Variants in NOX4 observed in about 807,000 individuals in gnomAD.
NOX4 encodes NADPH oxidase 4, also known as kidney oxidase-1.
In NOX4, 69 loss-of-function variants were observed where a neutral mutation model predicts 87.6. The observed-to-expected ratio is 0.79, with a 90% CI of 0.65 to 0.96. The LOEUF (loss-of-function observed/expected upper bound fraction) is 0.96. NOX4 is among the 40% of genes least tolerant of loss of function. The pLI, the probability that NOX4 is intolerant of heterozygous loss-of-function variation, is 0.00. For missense variants in NOX4, 680 were observed against 681.5 expected, an observed-to-expected ratio of 1.00 and a Z score of 0.02; for synonymous variants, 275 against 238.2, an observed-to-expected ratio of 1.15 and a Z score of -1.42.
At chr11:89,492,405 TA>T (rs770708638), upstream of NOX4, among the ~76,000 whole-genome samples, 7 of 152,158 alleles carry the variant, frequency 4.6e-5, no homozygotes, top group African/African-American at 1.7e-4. Context: ...ACTCTTAAAA[TA>T]AAAAATCTTA....
chr11:89,375,401 G>A (rs1260425224), intron 11 of NOX4, among the ~76,000 whole-genome samples: 1 of 152,102 alleles, frequency 6.6e-6, no homozygotes, highest in Non-Finnish European at 1.5e-5. Context: ...TGCCTCCCAG[G>A]TTCAAGCGAT....
At chr11:89,377,508 G>A (rs931129044) in intron 11 of NOX4, among the ~76,000 whole-genome samples, 7 of 152,032 alleles carry the variant, frequency 4.6e-5, no homozygotes, top group African/African-American at 1.7e-4. Context: ...TCTTCAATAT[G>A]GCATTGGGTT....
intron 3 of NOX4, among the ~76,000 whole-genome samples, chr11:89,449,746 A>G (rs1944871124): frequency 6.6e-6 from 1 of 152,092 alleles, no homozygotes; most frequent in Admixed American, 6.6e-5. Flanking sequence ...GATGTTCAAG[A>G]CACATTGTTA....
At chr11:89,555,483 CA>C in the NOX4 span, among the ~76,000 whole-genome samples, 9 of 146,278 alleles carry the variant, frequency 6.2e-5, no homozygotes, top group East Asian at 2.0e-4. Context: ...GAATTTGTTT[CA>C]AAAAAAAAAG....
the NOX4 span, among the ~76,000 whole-genome samples, chr11:89,535,729 C>T: frequency 6.6e-6 from 1 of 151,800 alleles, no homozygotes; most frequent in Non-Finnish European, 1.5e-5. Flanking sequence ...AAGAGTGTAG[C>T]ATATATACAG....
At chr11:89,479,295 A>G (rs769406569) in intron 2 of NOX4, among the ~76,000 whole-genome samples, 23 of 152,180 alleles carry the variant, frequency 1.5e-4, no homozygotes, top group Non-Finnish European at 2.9e-4. Context: ...GGATAAAAGA[A>G]ACTTGTTTGG....
chr11:89,477,953 A>G (rs1343317784), intron 2 of NOX4, among the ~76,000 whole-genome samples: 4 of 152,186 alleles, frequency 2.6e-5, no homozygotes, highest in Non-Finnish European at 5.9e-5. Flanking sequence ...TCTAAACTAG[A>G]AGGTATTTTC....
chr11:89,488,944 G>A (rs779714935), intron 2 of NOX4: 5 of 699,496 alleles, frequency 7.1e-6, no homozygotes, highest in South Asian at 6.0e-5. Context: ...GCGAGGTGAG[G>A]TCTTACTCTC....
intron 7 of NOX4, among the ~76,000 whole-genome samples, chr11:89,429,541 G>C (rs563635594): frequency 1.3e-5 from 2 of 151,966 alleles, no homozygotes; most frequent in South Asian, 2.1e-4. Flanking sequence ...AACACCGATC[G>C]CACAGAAATA....
At chr11:89,555,805 T>C in the NOX4 span, among the ~76,000 whole-genome samples, 1 of 152,180 alleles carries the variant, frequency 6.6e-6, no homozygotes, top group Non-Finnish European at 1.5e-5. Flanking sequence ...AGCCGATATG[T>C]ATTATATGAT....
chr11:89,421,233 G>A (rs181696542), intron 8 of NOX4, among the ~76,000 whole-genome samples: 1 of 152,250 alleles, frequency 6.6e-6, no homozygotes, highest in African/African-American at 2.4e-5. Context: ...CAAGTTCACT[G>A]CCGGTGGCCA....
the NOX4 span, among the ~76,000 whole-genome samples, chr11:89,542,485 T>A: frequency 1.2e-4 from 19 of 152,326 alleles, no homozygotes; most frequent in Non-Finnish European, 2.2e-4. Flanking sequence ...GCAAACCTTG[T>A]TGATTGTGAG....
chr11:89,544,901 C>T, the NOX4 span, among the ~76,000 whole-genome samples: 1 of 152,008 alleles, frequency 6.6e-6, no homozygotes, highest in Middle Eastern at 3.4e-3. Context: ...TCCTATGACC[C>T]GACCCAATTA....
rs138856729 is a variant in NOX4, at chr11:89,349,115, T to C, written c.1217+5847A>G. ...CAGCCTGGTCACTATGGTGAAACTT[T>C]GTCTCTATTAAAAATACAAAAATTA... On this transcript the variant is annotated intron_variant, in intron 13 of 17. Transcript: ENST00000263317. Among the ~76,000 whole-genome samples, 1,083 of 151,872 alleles carry C rather than the reference T, an allele frequency of 7.1e-3. 12 individuals carry two copies. Among genetic ancestry groups the C allele is most frequent in the African/African-American group, 0.025 (1,021 of 41,422 alleles).
chr11:89,496,770 G>A (rs940194543), upstream of NOX4, among the ~76,000 whole-genome samples: 1 of 152,204 alleles, frequency 6.6e-6, no homozygotes, highest in African/African-American at 2.4e-5. Context: ...AGCTTCCAAA[G>A]AAGCTCTCTC....
intron 4 of NOX4, among the ~76,000 whole-genome samples, chr11:89,445,317 A>T (rs1944649795): frequency 6.6e-6 from 1 of 151,988 alleles, no homozygotes; most frequent in Non-Finnish European, 1.5e-5. Flanking sequence ...TAAAATGTAG[A>T]GGGCTTAGAG....
intron 13 of NOX4, among the ~76,000 whole-genome samples, chr11:89,352,124 G>A (rs1946483883): frequency 6.6e-6 from 1 of 152,114 alleles, no homozygotes; most frequent in South Asian, 2.1e-4. Flanking sequence ...GGGGGGCTAG[G>A]AAGTGGGTGA....
chr11:89,413,548 T>A (rs1012094916), intron 8 of NOX4, among the ~76,000 whole-genome samples: 3 of 152,128 alleles, frequency 2.0e-5, no homozygotes, highest in African/African-American at 7.2e-5. Flanking sequence ...CTGAGGTCAT[T>A]GTGTTAAGTG....
chr11:89,523,129 T>A, the NOX4 span, among the ~76,000 whole-genome samples: 1 of 152,272 alleles, frequency 6.6e-6, no homozygotes, highest in South Asian at 2.1e-4. Context: ...GTTCAAGTGA[T>A]TCTCCTGCCT....
Sources: gnomAD v4.1 joint callset for allele counts (sites outside exome capture counted in the v4.1 genomes callset) on GRCh38, gnomAD v4.1.1 for gene constraint, MANE v1.5 for transcripts, NCBI Gene and HGNC (gene_info 2026-07-23, HGNC 2026-07-21) for gene names.